ZIM2: variants seen among roughly 807,000 people sequenced by gnomAD.
The protein encoded by ZIM2 is zinc finger protein 656.
ZIM2 carries 14 observed loss-of-function variants against 38.6 expected under a neutral mutation model. The ratio of observed to expected loss-of-function variants is 0.36; its 90% confidence interval spans 0.24 to 0.57. The LOEUF is 0.57. ZIM2 is among the 20% of genes least tolerant of loss of function. The pLI, the probability that ZIM2 is intolerant of heterozygous loss-of-function variation, is 0.81. For synonymous variants in ZIM2, 247 were observed against 245.8 expected, an observed-to-expected ratio of 1.00 and a Z score of -0.04; for missense variants, 680 against 695.1, an observed-to-expected ratio of 0.98 and a Z score of 0.24.
intron 2 of ZIM2, among the ~76,000 whole-genome samples, chr19:56,834,151 C>T (rs1377849536): frequency 1.3e-5 from 2 of 152,060 alleles, no homozygotes; most frequent in South Asian, 2.1e-4. Context: ...CAATAATTGG[C>T]TCATCTGATT....
chr19:56,775,698 A>G (rs369513770), intron 12 of ZIM2, among the ~76,000 whole-genome samples, 169 bp from the exon 13 acceptor site: 1 of 152,100 alleles, frequency 6.6e-6, no homozygotes, highest in African/African-American at 2.4e-5. Context: ...TTTTACTCAG[A>G]GAGACATACC....
At chr19:56,808,115 C>T (rs1259045469) in intron 9 of ZIM2, among the ~76,000 whole-genome samples, 2 of 152,072 alleles carry the variant, frequency 1.3e-5, no homozygotes, top group South Asian at 2.1e-4. Context: ...GACTGGTCTA[C>T]CCCAAACCAT....
chr19:56,836,390 G>A (rs1246594424), intron 1 of ZIM2, among the ~76,000 whole-genome samples: 1 of 152,156 alleles, frequency 6.6e-6, no homozygotes, highest in Non-Finnish European at 1.5e-5. Flanking sequence ...TCTAGATTAA[G>A]GAATCAATTC....
intron 3 of ZIM2, among the ~76,000 whole-genome samples, chr19:56,825,159 T>G (rs191397935): frequency 1.2e-4 from 18 of 152,298 alleles, no homozygotes; most frequent in Admixed American, 1.3e-4. Context: ...AAATCAGACG[T>G]CAGCACGTTT....
intron 1 of ZIM2, among the ~76,000 whole-genome samples, chr19:56,838,399 A>G (rs1279309173): frequency 6.6e-6 from 1 of 152,140 alleles, no homozygotes; most frequent in Admixed American, 6.5e-5. Flanking sequence ...AGAGGCGGTG[A>G]GGGGCAGTGG....
At chr19:56,810,185 T>TG (rs1231563062) in intron 9 of ZIM2, 1 of 979,606 alleles carries the variant, frequency 1.0e-6, no homozygotes, top group Non-Finnish European at 1.2e-6. Context: ...ATGAAGAAAA[T>TG]ATATCAAGAT....
chr19:56,839,916 C>T (rs1452564605), intron 1 of ZIM2, among the ~76,000 whole-genome samples: 1 of 152,272 alleles, frequency 6.6e-6, no homozygotes, highest in Non-Finnish European at 1.5e-5. Flanking sequence ...GCAGCTCCTG[C>T]GCAGCAAGCC....
intron 9 of ZIM2, among the ~76,000 whole-genome samples, chr19:56,794,565 T>G (rs1478305174): frequency 6.6e-6 from 1 of 152,234 alleles, no homozygotes; most frequent in Non-Finnish European, 1.5e-5. Flanking sequence ...AGGGATAAAC[T>G]GTTTTTAAAA....
At chr19:56,824,171 A>G (rs1433351885) in intron 4 of ZIM2, 91 bp downstream of exon 4, 1 of 1,524,556 alleles carries the variant, frequency 6.6e-7, no homozygotes, top group Admixed American at 2.0e-5. Flanking sequence ...AGAGTTATCC[A>G]GTCCAGACCA....
intron 9 of ZIM2, chr19:56,812,558 CTGA>C: frequency 6.1e-6 from 6 of 985,774 alleles, no homozygotes; most frequent in Non-Finnish European, 7.2e-6. Flanking sequence ...GCAGCATAAG[CTGA>C]TGCTGCACAG....
Position 56,818,708 on chromosome 19 carries a change from A to G in ZIM2, c.295-6T>C, listed in dbSNP as rs754053133. 1.2e-6 allele frequency: 2 copies of G among 1,613,992 alleles called. No homozygotes were observed. Among genetic ancestry groups the G allele is most frequent in the Non-Finnish European group, 1.7e-6 (2 of 1,179,996 alleles). Reference sequence around the variant, plus strand: ...TTTTGGTATGATTCAGCATCCTAAAACAGCAAACACAGACCTCTCAATGGA... The same window carrying G: ...TTTTGGTATGATTCAGCATCCTAAAGCAGCAAACACAGACCTCTCAATGGA... On this transcript the variant is annotated splice_polypyrimidine_tract_variant and splice_region_variant and intron_variant, in intron 7 of 12. Transcript: ENST00000629319.
At chr19:56,788,597 C>A (rs978890181) in intron 10 of ZIM2, among the ~76,000 whole-genome samples, 1 of 152,126 alleles carries the variant, frequency 6.6e-6, no homozygotes, top group Non-Finnish European at 1.5e-5. Flanking sequence ...TTCATTTTAA[C>A]CTTGGTGAAT....
At chr19:56,838,425 C>CA (rs1266370274) in intron 1 of ZIM2, among the ~76,000 whole-genome samples, 3 of 152,308 alleles carry the variant, frequency 2.0e-5, no homozygotes, top group Non-Finnish European at 4.4e-5. Context: ...AGGGTGCTCT[C>CA]AGCCCTATCA....
intron 2 of ZIM2, chr19:56,833,396 G>A (rs1439120819): frequency 2.9e-6 from 1 of 344,072 alleles, no homozygotes; most frequent in Non-Finnish European, 5.7e-6. Context: ...CTCTCTTCTT[G>A]TTTGCTCCAT....
At chr19:56,776,692 C>T (rs1600697730) in intron 12 of ZIM2, among the ~76,000 whole-genome samples, 1 of 152,258 alleles carries the variant, frequency 6.6e-6, no homozygotes, top group South Asian at 2.1e-4. Context: ...CATTATCTAA[C>T]CAGATGGGTC....
chr19:56,797,720 T>C (rs958035373), intron 9 of ZIM2, among the ~76,000 whole-genome samples: 1 of 152,150 alleles, frequency 6.6e-6, no homozygotes, highest in African/African-American at 2.4e-5. Context: ...AAAAGGAGGA[T>C]GATTCAGAGG....
intron 9 of ZIM2, among the ~76,000 whole-genome samples, chr19:56,795,013 C>T (rs2047123156): frequency 6.6e-6 from 1 of 152,018 alleles, no homozygotes; most frequent in African/African-American, 2.4e-5. Context: ...TTGTTCACGC[C>T]CTTTGTGCTT....
At chr19:56,837,928 G>A (rs908976755) in intron 1 of ZIM2, among the ~76,000 whole-genome samples, 2 of 152,328 alleles carry the variant, frequency 1.3e-5, no homozygotes. Context: ...CACTGCACCC[G>A]CCACATTGAA....
intron 9 of ZIM2, chr19:56,815,953 T>C: frequency 1.3e-6 from 2 of 1,595,300 alleles, no homozygotes; most frequent in Non-Finnish European, 1.7e-6. Context: ...AGACCTACTG[T>C]ATTCCCTTCC....
Sources: gnomAD v4.1 joint callset for allele counts (sites outside exome capture counted in the v4.1 genomes callset) on GRCh38, gnomAD v4.1.1 for gene constraint, MANE v1.5 for transcripts, NCBI Gene and HGNC (gene_info 2026-07-23, HGNC 2026-07-21) for gene names.